The following RFC3 variants were observed in gnomAD, a reference collection of about 807,000 sequenced individuals.
RFC3 encodes A1 38 kDa subunit.
Under a neutral mutation model 45.1 loss-of-function variants are expected in RFC3, and 41 were observed. The ratio of observed to expected loss-of-function variants is 0.91; its 90% CI spans 0.71 to 1.18. The LOEUF (loss-of-function observed/expected upper bound fraction) is 1.18, where lower values mean the gene tolerates loss of function less well. Ranked by LOEUF, RFC3 falls within the 50% of genes most tolerant of loss-of-function variation. The pLI is 0.00. For synonymous variants in RFC3, 149 were observed against 144.0 expected, an observed-to-expected ratio of 1.03 and a Z score of -0.25; for missense variants, 423 against 428.1, an observed-to-expected ratio of 0.99 and a Z score of 0.10.
chr13:33,833,298 T>C (rs958429606), intron 7 of RFC3, among the ~76,000 whole-genome samples: 10 of 152,198 alleles, frequency 6.6e-5, no homozygotes, highest in African/African-American at 2.4e-4. Context: ...CATGAATGAT[T>C]ATGTCAGCTC....
chr13:33,912,586 G>C (rs114694167), intron 8 of RFC3, among the ~76,000 whole-genome samples: 1,970 of 152,176 alleles, frequency 0.013, 32 homozygotes, highest in African/African-American at 0.045. Context: ...GAGAGGCAGT[G>C]TGGCTAGAAT....
At chr13:33,958,967 T>C (rs1202064752) in intron 8 of RFC3, among the ~76,000 whole-genome samples, 18 of 152,214 alleles carry the variant, frequency 1.2e-4, no homozygotes, top group Admixed American at 1.2e-3. Flanking sequence ...ATGTCACTTA[T>C]ATTAGTTCCA....
At chr13:33,827,274 G>C (rs1331147027) in intron 4 of RFC3, among the ~76,000 whole-genome samples, 1 of 152,136 alleles carries the variant, frequency 6.6e-6, no homozygotes, top group Non-Finnish European at 1.5e-5. Flanking sequence ...GGGTGACAGA[G>C]CGAGACTATA....
intron 8 of RFC3, among the ~76,000 whole-genome samples, chr13:33,938,105 T>C (rs1318031003): frequency 6.8e-6 from 1 of 146,278 alleles, no homozygotes; most frequent in Non-Finnish European, 1.5e-5. Flanking sequence ...TCCAAGGATG[T>C]TTGCAAATGT....
chr13:33,921,216 A>T (rs2082766680), intron 8 of RFC3, among the ~76,000 whole-genome samples: 3 of 152,116 alleles, frequency 2.0e-5, no homozygotes, highest in Admixed American at 6.5e-5. Context: ...TTCCTTCCTC[A>T]TTAGGCAATG....
At chr13:33,866,146 TC>T (rs1466655471) in intron 8 of RFC3, among the ~76,000 whole-genome samples, 1 of 152,206 alleles carries the variant, frequency 6.6e-6, no homozygotes, top group Non-Finnish European at 1.5e-5. Flanking sequence ...CAAGTGTGGT[TC>T]CCCTAACTAC....
chr13:33,967,036 G>A (rs2137880283), downstream of RFC3, among the ~76,000 whole-genome samples: 1 of 151,940 alleles, frequency 6.6e-6, no homozygotes, highest in African/African-American at 2.4e-5. Context: ...TGCCGCTTGT[G>A]GTCCCAGTTA....
chr13:33,945,296 T>C (rs1053766996), intron 8 of RFC3, among the ~76,000 whole-genome samples: 1 of 152,238 alleles, frequency 6.6e-6, no homozygotes, highest in African/African-American at 2.4e-5. Flanking sequence ...TTTTCCATAT[T>C]CATATAGTAC....
intron 8 of RFC3, among the ~76,000 whole-genome samples, chr13:33,876,298 G>T (rs2082446339): frequency 1.3e-5 from 2 of 152,152 alleles, no homozygotes; most frequent in Admixed American, 6.5e-5. Context: ...TCCTATCAGG[G>T]AACTGGCAGA....
intron 8 of RFC3, among the ~76,000 whole-genome samples, chr13:33,950,072 TACACACACACACACACAC>T (rs71196530): frequency 6.9e-6 from 1 of 144,840 alleles, no homozygotes. Flanking sequence ...TCTCTCGCTC[TACACACACACACACACAC>T]ACACACACAC....
chr13:33,943,277 C>T (rs2137808778), intron 8 of RFC3, among the ~76,000 whole-genome samples: 1 of 152,224 alleles, frequency 6.6e-6, no homozygotes, highest in African/African-American at 2.4e-5. Flanking sequence ...CATAACACGG[C>T]ATAAGGTATG....
At chr13:33,862,877 A>T (rs895203762) in intron 8 of RFC3, among the ~76,000 whole-genome samples, 1 of 152,218 alleles carries the variant, frequency 6.6e-6, no homozygotes, top group Non-Finnish European at 1.5e-5. Context: ...CATCTTACTT[A>T]GTCCATTTCC....
At chr13:33,969,751 C>T (rs566371533), downstream of RFC3, among the ~76,000 whole-genome samples, 26 of 152,150 alleles carry the variant, frequency 1.7e-4, no homozygotes, top group African/African-American at 5.8e-4. Flanking sequence ...TCTTCAGCCC[C>T]CAGTTTCCTC....
chr13:33,946,046 C>T (rs967340541), intron 8 of RFC3, among the ~76,000 whole-genome samples: 3 of 152,184 alleles, frequency 2.0e-5, no homozygotes, highest in African/African-American at 7.2e-5. Flanking sequence ...TAGGAAATGG[C>T]TCTGACTCTG....
intron 8 of RFC3, among the ~76,000 whole-genome samples, chr13:33,891,327 G>A (rs2082561976): frequency 6.6e-6 from 1 of 152,088 alleles, no homozygotes; most frequent in Admixed American, 6.6e-5. Flanking sequence ...CATATGCAAG[G>A]TTCCCTAAAG....
At chr13:33,917,554 C>T (rs569276325) in intron 8 of RFC3, among the ~76,000 whole-genome samples, 1 of 152,222 alleles carries the variant, frequency 6.6e-6, no homozygotes, top group South Asian at 2.1e-4. Context: ...TCTCTGTAGG[C>T]CTCATAAAGC....
chr13:33,829,693 T>C (rs555388988), intron 4 of RFC3, 143 bp from the exon 5 acceptor site: 11 of 681,294 alleles, frequency 1.6e-5, no homozygotes, highest in South Asian at 9.9e-5. Context: ...ACCATACTTA[T>C]AACTTTATCT....
At chr13:33,916,699 GGCATGTTTATAT>G (rs536017171) in intron 8 of RFC3, among the ~76,000 whole-genome samples, 68 of 151,852 alleles carry the variant, frequency 4.5e-4, no homozygotes, top group Non-Finnish European at 7.9e-4. Flanking sequence ...TATAAGCATG[GGCATGTTTATAT>G]GCATGTTTAT....
intron 8 of RFC3, among the ~76,000 whole-genome samples, chr13:33,879,423 C>T (rs1378525923): frequency 1.3e-5 from 2 of 152,290 alleles, no homozygotes; most frequent in South Asian, 2.1e-4. Context: ...TGCTTGGATA[C>T]TCAGCTCAAG....
Sources: allele counts gnomAD v4.1 joint callset (sites outside exome capture counted in the v4.1 genomes callset), GRCh38; gene constraint gnomAD v4.1.1; transcripts MANE v1.5; gene names NCBI Gene and HGNC (gene_info 2026-07-23, HGNC 2026-07-21).